The following ITGAM variants were observed in gnomAD, a reference collection of about 807,000 sequenced individuals.
ITGAM encodes integrin alpha-M.
ITGAM carries 79 observed loss-of-function variants against 137.5 expected under a neutral mutation model. That is an observed-to-expected ratio of 0.57 (90% CI 0.48 to 0.69). The LOEUF (loss-of-function observed/expected upper bound fraction) is 0.69, where lower values mean the gene tolerates loss of function less well. ITGAM is among the 30% of genes least tolerant of loss of function. ITGAM has a pLI of 0.00. For missense variants in ITGAM, 1,343 were observed against 1,483.5 expected, an observed-to-expected ratio of 0.91 and a Z score of 1.56; for synonymous variants, 583 against 592.3, an observed-to-expected ratio of 0.98 and a Z score of 0.23.
intron 12 of ITGAM, among the ~76,000 whole-genome samples, chr16:31,285,633 T>G (rs1007615705): frequency 2.6e-5 from 4 of 151,958 alleles, no homozygotes; most frequent in African/African-American, 4.8e-5. Context: ...CGAGACTTCA[T>G]CTCAATTAAA....
chr16:31,297,416 G>GATTC, intron 12 of ITGAM, 98 bp from the exon 13 acceptor site: 9 of 1,478,776 alleles, frequency 6.1e-6, no homozygotes, highest in Non-Finnish European at 8.4e-6. Flanking sequence ...GCTCCAGAGG[G>GATTC]ATTCCCCCAG....
chr16:31,310,361 T>C (rs2080313157), intron 14 of ITGAM, among the ~76,000 whole-genome samples: 1 of 152,166 alleles, frequency 6.6e-6, no homozygotes, highest in African/African-American at 2.4e-5. Context: ...TCTTTTCACA[T>C]AGTCCCATAT....
At chr16:31,272,078 G>A (rs1385941070) in intron 7 of ITGAM, 86 bp downstream of exon 7, 31 of 1,529,096 alleles carry the variant, frequency 2.0e-5, no homozygotes, top group Non-Finnish European at 2.7e-5. Flanking sequence ...CGTTCAGACA[G>A]GGGTGGTAGA....
chr16:31,274,669 C>T (rs1423391249), intron 8 of ITGAM, among the ~76,000 whole-genome samples: 1 of 151,954 alleles, frequency 6.6e-6, no homozygotes, highest in Non-Finnish European at 1.5e-5. Context: ...GGCTGGAGTG[C>T]AGTGGCATGA....
intron 28 of ITGAM, among the ~76,000 whole-genome samples, chr16:31,330,952 C>G: frequency 6.7e-6 from 1 of 148,844 alleles, no homozygotes; most frequent in Non-Finnish European, 1.5e-5. Context: ...GATAGAGAGA[C>G]AGAGAGAGGC....
intron 7 of ITGAM, 38 bp downstream of exon 7, chr16:31,272,030 G>A (rs2079846813): frequency 1.2e-6 from 2 of 1,613,152 alleles, no homozygotes; most frequent in Middle Eastern, 1.7e-4. Flanking sequence ...GAGGGAGGAG[G>A]AGACACTTTT....
Position 31,266,068 on chromosome 16 carries a change from C to T in ITGAM, c.348C>T (p.Asn116=), listed in dbSNP as rs2144261947. 4 of 1,613,952 alleles carry T rather than the reference C, an allele frequency of 2.5e-6. No homozygotes were observed. The highest frequency in any genetic ancestry group is 3.4e-6 in the Non-Finnish European group (4 of 1,179,898). ...CCGTGCACCAGACTTGCAGTGAGAA[C>T]ACGTATGTGAAAGGGCTCTGCTTCC... ...GPTVHQTCSE[N]TYVKGLCFLF... The change falls in exon 5 of 30, where the codon AAC becomes AAT. Residue 116 remains asparagine, a synonymous_variant. Coordinates refer to ENST00000544665, the MANE Select transcript of ITGAM (RefSeq NM_000632.4).
At chr16:31,325,747 A>G (rs948381025) in intron 21 of ITGAM, 125 bp downstream of exon 21, 22 of 1,143,366 alleles carry the variant, frequency 1.9e-5, no homozygotes, top group Non-Finnish European at 2.4e-5. Flanking sequence ...TATAATTCAT[A>G]TACCATCCAA....
intron 22 of ITGAM, 31 bp downstream of exon 22, chr16:31,326,966 G>A (rs565808303): frequency 4.5e-6 from 7 of 1,541,694 alleles, no homozygotes; most frequent in Middle Eastern, 1.7e-4. Context: ...TCTGCAGGCA[G>A]TTGCCCGTCT....
In ITGAM at chr16:31,332,707, G is replaced by A. The variant is rs1164150089; in HGVS notation, c.*1000G>A. ...TTTCACCAATATTTCTCAGACATCG[G>A]TTCATATTAAGACATAAATTACTTT... is the stretch of plus-strand genomic sequence containing the variant. On this transcript the variant is annotated 3_prime_UTR_variant, in exon 30 of 30. Transcript: ENST00000544665. 1 of 152,132 alleles carries A rather than the reference G, an allele frequency of 6.6e-6. No homozygotes were observed. The highest frequency in any genetic ancestry group is 1.5e-5 in the Non-Finnish European group (1 of 68,030). 9.4% of individuals were successfully genotyped at this position (152,132 alleles called of 1,614,324 possible). A position where few individuals can be genotyped will look rare whatever the true frequency, so the allele number is the denominator to read the frequency against.
At chr16:31,268,591 A>G (rs1170472192) in intron 5 of ITGAM, among the ~76,000 whole-genome samples, 2 of 152,220 alleles carry the variant, frequency 1.3e-5, no homozygotes, top group Non-Finnish European at 2.9e-5. Context: ...GGCATGAGCC[A>G]CTGTGCCCTG....
At chr16:31,317,744 C>A (rs2080406998) in intron 14 of ITGAM, among the ~76,000 whole-genome samples, 1 of 152,088 alleles carries the variant, frequency 6.6e-6, no homozygotes, top group Non-Finnish European at 1.5e-5. Flanking sequence ...GTTGAGCCAT[C>A]CTTGCATGCC....
intron 8 of ITGAM, 56 bp downstream of exon 8, chr16:31,273,574 A>C (rs2144298005): frequency 1.3e-6 from 2 of 1,548,672 alleles, no homozygotes; most frequent in Admixed American, 3.5e-5. Flanking sequence ...ATGTGGATCC[A>C]TCCTCCCTTC....
At chr16:31,288,104 C>T (rs1010367578) in intron 12 of ITGAM, among the ~76,000 whole-genome samples, 5 of 151,514 alleles carry the variant, frequency 3.3e-5, no homozygotes, top group Non-Finnish European at 7.4e-5. Flanking sequence ...GGTGGAAGCA[C>T]AAGAGAAGTG....
chr16:31,325,902 C>T (rs951491161), intron 21 of ITGAM, among the ~76,000 whole-genome samples: 6 of 151,744 alleles, frequency 4.0e-5, no homozygotes, highest in African/African-American at 1.5e-4. Flanking sequence ...CCTGTCTCTA[C>T]AAAAAATGTA....
intron 8 of ITGAM, among the ~76,000 whole-genome samples, chr16:31,274,423 G>C (rs972898893): frequency 1.3e-5 from 2 of 152,054 alleles, no homozygotes; most frequent in Non-Finnish European, 2.9e-5. Context: ...CAGAGCCCTC[G>C]GCAGCAAATG....
chr16:31,328,704 G>T (rs111166760), intron 23 of ITGAM, among the ~76,000 whole-genome samples: 1,826 of 150,554 alleles, frequency 0.012, 33 homozygotes, highest in African/African-American at 0.042. Flanking sequence ...GCATGTGTGT[G>T]TATGAGGATC....
intron 14 of ITGAM, among the ~76,000 whole-genome samples, chr16:31,313,895 T>C (rs914836974): frequency 1.3e-5 from 2 of 152,166 alleles, no homozygotes; most frequent in African/African-American, 2.4e-5. Flanking sequence ...CATCTGTTGT[T>C]TCCTGACTTT....
Position 31,265,516 on chromosome 16 carries a change from C to T in ITGAM, c.238+18C>T, listed in dbSNP as rs371277286. 309 of 1,510,834 alleles carry T rather than the reference C, an allele frequency of 2.0e-4. No individual in the cohort carries two copies. Among genetic ancestry groups the T allele is most frequent in the Non-Finnish European group, 2.2e-4 (241 of 1,104,168 alleles). The allele number at this position is 1,510,834 out of a possible 1,614,324, so 93.6% of individuals were successfully genotyped here. ...CCTGCAGGGTGAGTCACTGCCCCGC[C>T]GGGCTGGGACTGGGATTCCCCTGTG... is the stretch of plus-strand genomic sequence containing the variant. On this transcript the variant is annotated intron_variant, in intron 3 of 29. Coordinates refer to ENST00000544665, the MANE Select transcript of ITGAM (RefSeq NM_000632.4).
Sources: gnomAD v4.1 joint callset for allele counts (sites outside exome capture counted in the v4.1 genomes callset) on GRCh38, gnomAD v4.1.1 for gene constraint, MANE v1.5 for transcripts, NCBI Gene and HGNC (gene_info 2026-07-23, HGNC 2026-07-21) for gene names.